PPP3CA: variants seen among roughly 807,000 people sequenced by gnomAD.
PPP3CA encodes protein phosphatase 3 catalytic subunit alpha.
PPP3CA carries 14 observed loss-of-function variants against 66.5 expected under a neutral mutation model. That is an observed-to-expected ratio of 0.21 (90% CI 0.14 to 0.33). The LOEUF (loss-of-function observed/expected upper bound fraction) is 0.33. Ranked by LOEUF, PPP3CA falls within the 10% of genes least tolerant of loss-of-function variation. PPP3CA has a pLI of 1.00. For missense variants in PPP3CA, 317 were observed against 639.5 expected, an observed-to-expected ratio of 0.50 and a Z score of 5.44; for synonymous variants, 232 against 226.2, an observed-to-expected ratio of 1.03 and a Z score of -0.23.
chr4:101,317,529 C>G (rs897005202), intron 1 of PPP3CA, among the ~76,000 whole-genome samples: 1 of 151,998 alleles, frequency 6.6e-6, no homozygotes, highest in African/African-American at 2.4e-5. Context: ...TAAATTTACA[C>G]AGATTTCCAA....
intron 3 of PPP3CA, among the ~76,000 whole-genome samples, chr4:101,102,526 AGGGCAAG>A (rs1332811856): frequency 6.6e-6 from 1 of 152,184 alleles, no homozygotes; most frequent in East Asian, 1.9e-4. Flanking sequence ...GGTAAATGAA[AGGGCAAG>A]GGTGGACTGG....
intron 1 of PPP3CA, among the ~76,000 whole-genome samples, chr4:101,240,486 C>T (rs1726270612): frequency 6.6e-6 from 1 of 151,974 alleles, no homozygotes; most frequent in African/African-American, 2.4e-5. Context: ...TTCCCCCCAC[C>T]CTTTATTAAG....
At chr4:101,210,156 G>T (rs1429620271) in intron 1 of PPP3CA, among the ~76,000 whole-genome samples, 1 of 152,100 alleles carries the variant, frequency 6.6e-6, no homozygotes, top group African/African-American at 2.4e-5. Context: ...TAACCATCTA[G>T]TCTGGTTCCT....
chr4:101,145,198 A>T (rs1722931770), intron 2 of PPP3CA, among the ~76,000 whole-genome samples: 2 of 152,192 alleles, frequency 1.3e-5, no homozygotes, highest in African/African-American at 4.8e-5. Context: ...GAGAATGTAA[A>T]TTAGTACAAC....
At chr4:101,206,148 C>A (rs956912692) in intron 1 of PPP3CA, among the ~76,000 whole-genome samples, 1 of 152,192 alleles carries the variant, frequency 6.6e-6, no homozygotes, top group Non-Finnish European at 1.5e-5. Flanking sequence ...TGCGGTTCAC[C>A]ATTTCTAAGA....
intron 2 of PPP3CA, among the ~76,000 whole-genome samples, chr4:101,167,533 T>C (rs4698913): frequency 0.49 from 73,975 of 151,740 alleles, 19,378 homozygotes; most frequent in Middle Eastern, 0.62. Context: ...CCTCCTTCAG[T>C]GTACACTCTA....
At chr4:101,029,880 G>T (rs3804351) in intron 12 of PPP3CA, among the ~76,000 whole-genome samples, 16,679 of 151,136 alleles carry the variant, frequency 0.11, 2,034 homozygotes, top group African/African-American at 0.3. Context: ...TCTGGACTTC[G>T]TTTTCCAGCA....
intron 2 of PPP3CA, among the ~76,000 whole-genome samples, chr4:101,173,042 T>C (rs1461008030): frequency 6.6e-6 from 1 of 152,166 alleles, no homozygotes; most frequent in Non-Finnish European, 1.5e-5. Context: ...ACAAGCCAAC[T>C]TCCCTCCTCA....
intron 1 of PPP3CA, among the ~76,000 whole-genome samples, chr4:101,256,793 A>G (rs556009095): frequency 6.6e-6 from 1 of 152,148 alleles, no homozygotes; most frequent in South Asian, 2.1e-4. Flanking sequence ...TCAGTCACCA[A>G]TAGACTAATA....
intron 2 of PPP3CA, among the ~76,000 whole-genome samples, chr4:101,181,850 A>T (rs1724247073): frequency 6.6e-6 from 1 of 152,140 alleles, no homozygotes; most frequent in African/African-American, 2.4e-5. Context: ...ACAATTAGGG[A>T]TGTTATAAAT....
At chr4:101,140,016 T>A (rs1258062920) in intron 2 of PPP3CA, among the ~76,000 whole-genome samples, 1 of 152,166 alleles carries the variant, frequency 6.6e-6, no homozygotes, top group East Asian at 1.9e-4. Flanking sequence ...TCTTTTACAT[T>A]GCTTTCCCAA....
chr4:101,274,444 A>C (rs986118752), intron 1 of PPP3CA, among the ~76,000 whole-genome samples: 2 of 152,232 alleles, frequency 1.3e-5, no homozygotes, highest in African/African-American at 2.4e-5. Context: ...CAAAATTAAC[A>C]AATCTTCAAT....
chr4:101,343,431 A>T (rs1441160812), intron 1 of PPP3CA, among the ~76,000 whole-genome samples: 3 of 152,170 alleles, frequency 2.0e-5, no homozygotes, highest in African/African-American at 7.2e-5. Context: ...CTAAGAGAAA[A>T]ATCAGGACGG....
intron 3 of PPP3CA, among the ~76,000 whole-genome samples, chr4:101,107,168 G>C (rs966558364): frequency 1.3e-5 from 2 of 152,096 alleles, no homozygotes; most frequent in African/African-American, 4.8e-5. Context: ...AAACTTACTT[G>C]TTCTTTGATT....
intron 1 of PPP3CA, among the ~76,000 whole-genome samples, chr4:101,204,872 GT>G (rs1725083692): frequency 6.6e-6 from 1 of 150,780 alleles, no homozygotes; most frequent in Non-Finnish European, 1.5e-5. Context: ...TTGAAGAATT[GT>G]TGTTTTATAC....
At chr4:101,029,370 A>AAAAAAAAAAAAAC (rs1726829783) in intron 12 of PPP3CA, among the ~76,000 whole-genome samples, 175 bp from the exon 13 acceptor site, 1 of 102,186 alleles carries the variant, frequency 9.8e-6, no homozygotes, top group African/African-American at 3.3e-5. Context: ...AAAAAAAAAA[A>AAAAAAAAAAAAAC]AAGAAAAAAA....
At chr4:101,281,212 G>C (rs1386899771) in intron 1 of PPP3CA, among the ~76,000 whole-genome samples, 1 of 152,236 alleles carries the variant, frequency 6.6e-6, no homozygotes, top group Non-Finnish European at 1.5e-5. Flanking sequence ...AGGGTTCAAG[G>C]AAGAATGGGA....
intron 1 of PPP3CA, among the ~76,000 whole-genome samples, chr4:101,265,239 C>G (rs1396856661): frequency 6.6e-6 from 1 of 152,116 alleles, no homozygotes. Context: ...GCCTCAGCCT[C>G]CTGAGTAGCT....
At chr4:101,273,693 A>C (rs879495732) in intron 1 of PPP3CA, among the ~76,000 whole-genome samples, 2 of 152,200 alleles carry the variant, frequency 1.3e-5, no homozygotes, top group Admixed American at 6.5e-5. Context: ...GAGTAGTTTT[A>C]TCTCTCCACT....
Sources: gnomAD v4.1 joint callset for allele counts (sites outside exome capture counted in the v4.1 genomes callset) on GRCh38, gnomAD v4.1.1 for gene constraint, MANE v1.5 for transcripts, NCBI Gene and HGNC (gene_info 2026-07-23, HGNC 2026-07-21) for gene names.